The following NOC3L variants were observed in gnomAD, a reference collection of about 807,000 sequenced individuals.
NOC3L encodes nucleolar complex protein 3 homolog.
In NOC3L, 85 loss-of-function variants were observed where a neutral mutation model predicts 102.5. The ratio of observed to expected loss-of-function variants is 0.83; its 90% CI spans 0.70 to 0.99. NOC3L has a LOEUF of 0.99. Among genes scored for constraint, NOC3L ranks in the 50% least tolerant of loss-of-function variants. NOC3L has a pLI of 0.00. For synonymous variants in NOC3L, 303 were observed against 309.4 expected (o/e 0.98, Z 0.22); for missense variants, 878 against 914.9 (o/e 0.96, Z 0.52).
At chr10:94,335,619 T>G (rs954019831) in intron 19 of NOC3L, among the ~76,000 whole-genome samples, 2 of 152,224 alleles carry the variant, frequency 1.3e-5, no homozygotes, top group Non-Finnish European at 2.9e-5. Context: ...AGCAACTGAC[T>G]GACTACTGTC....
At chr10:94,340,825 C>CA (rs1384022709) in intron 14 of NOC3L, among the ~76,000 whole-genome samples, 80 of 150,874 alleles carry the variant, frequency 5.3e-4, no homozygotes, top group Non-Finnish European at 4.7e-4. Flanking sequence ...ACTAAAAATA[C>CA]AAAAAATTAA....
chr10:94,351,604 C>T (rs1379136182), intron 8 of NOC3L, among the ~76,000 whole-genome samples: 1 of 152,108 alleles, frequency 6.6e-6, no homozygotes, highest in Non-Finnish European at 1.5e-5. Flanking sequence ...CATAGCTCAC[C>T]GCAGGCTCAA....
chr10:94,338,714 A>G lies in NOC3L; in HGVS notation c.1985T>C (p.Leu662Pro), dbSNP rs1162063088. The change falls in exon 18 of 21, where the codon CTG (leucine) becomes CCG (proline). Residue 662 changes from leucine to proline, a missense_variant. Transcript: ENST00000371361. ...LMHTFPKTDLLLDSESQGSGV... is the reference protein window; with the variant it reads ...LMHTFPKTDLPLDSESQGSGV... ...ACTTCCCTGAGATTCACTGTCAAGCAGTAGATCTGTTTTGGGGAAAGTCTG... is the reference window on the plus strand; with the variant it reads ...ACTTCCCTGAGATTCACTGTCAAGCGGTAGATCTGTTTTGGGGAAAGTCTG... 3 of 1,613,040 alleles carry G rather than the reference A, an allele frequency of 1.9e-6. No homozygotes were observed. The highest frequency in any genetic ancestry group is 2.5e-6 in the Non-Finnish European group (3 of 1,179,528).
the NOC3L span, among the ~76,000 whole-genome samples, chr10:94,319,180 A>G: frequency 7.2e-5 from 11 of 152,342 alleles, no homozygotes; most frequent in African/African-American, 2.4e-4. Context: ...GATTTTTCTG[A>G]TAAGTAAAAT....
At position 94,334,124 on chromosome 10, in the gene NOC3L, T is replaced by C. The variant is rs2133980461; in HGVS notation, c.*53A>G. On this transcript the variant is annotated 3_prime_UTR_variant, in exon 21 of 21. Coordinates refer to ENST00000371361, the MANE Select transcript of NOC3L (RefSeq NM_022451.11). ...ATCCTAAGTTAACAACTCATCTTTA[T>C]GTACATCTGCACACACAAATATACA... The C allele has an allele frequency of 7.5e-6, 6 of 796,300 alleles. No homozygotes were observed. The highest frequency in any genetic ancestry group is 1.6e-5 in the South Asian group (1 of 62,256). 49.3% of individuals were successfully genotyped at this position (796,300 alleles called of 1,614,324 possible). A position where few individuals can be genotyped will look rare whatever the true frequency, so the allele number is the denominator to read the frequency against.
chr10:94,339,578 T>C (rs920814720), intron 17 of NOC3L, among the ~76,000 whole-genome samples, 161 bp downstream of exon 17: 11 of 152,198 alleles, frequency 7.2e-5, no homozygotes, highest in African/African-American at 2.4e-5. Context: ...ATAAAATGCT[T>C]TTTTTCAATT....
chr10:94,346,132 G>C (rs569378676), intron 11 of NOC3L, among the ~76,000 whole-genome samples: 58 of 152,300 alleles, frequency 3.8e-4, no homozygotes, highest in African/African-American at 1.2e-3. Flanking sequence ...TTTCTGTTAA[G>C]GAAGGAATCT....
chr10:94,316,128 C>T, the NOC3L span, among the ~76,000 whole-genome samples: 1 of 152,120 alleles, frequency 6.6e-6, no homozygotes, highest in South Asian at 2.1e-4. Flanking sequence ...GAGAACCTAG[C>T]CCTACAAACC....
In NOC3L at chr10:94,337,807, G is replaced by C; in HGVS notation, c.2159C>G (p.Ser720Cys). The change falls in exon 19 of 21, where the codon TCT becomes TGT. Residue 720 changes from serine (S) to cysteine (C), a missense_variant. By Grantham distance (112) the Ser-to-Cys change is moderately radical (BLOSUM62 -1). Coordinates refer to ENST00000371361, the MANE Select transcript of NOC3L (RefSeq NM_022451.11). ...ACTCAACTCTGGTTTGAGTGCTCCA[G>C]AGCCTTCAGAAGGTGCTCCAGCGAT... The part of the protein sequence containing the change: ...HLIAGAPSEG[S>C]GALKPELSRR... The C allele has an allele frequency of 6.2e-7, 1 of 1,613,964 alleles. No homozygotes were observed. Among genetic ancestry groups the C allele is most frequent in the Non-Finnish European group, 8.5e-7 (1 of 1,179,894 alleles).
At chr10:94,324,682 G>C in the NOC3L span, 1 of 1,028,130 alleles carries the variant, frequency 9.7e-7, no homozygotes, top group Admixed American at 1.9e-5. Flanking sequence ...TCAAGGAATG[G>C]AGTTAGGAGA....
At chr10:94,315,373 T>C in the NOC3L span, 1 of 455,962 alleles carries the variant, frequency 2.2e-6, no homozygotes, top group Non-Finnish European at 4.4e-6. Flanking sequence ...CTTTCTCTCA[T>C]CACCAAGCTA....
At chr10:94,341,245 A>G (rs930170880) in intron 14 of NOC3L, among the ~76,000 whole-genome samples, 2 of 151,818 alleles carry the variant, frequency 1.3e-5, no homozygotes, top group African/African-American at 4.8e-5. Context: ...CAGGGTGACT[A>G]TAGTTTACAA....
Position 94,350,155 on chromosome 10 carries a change from G to A in NOC3L, c.1086C>T (p.Ile362=), listed in dbSNP as rs569465998. Residue 362 remains isoleucine, a synonymous_variant, in exon 9 of 21, where the codon ATC becomes ATT. Transcript: ENST00000371361. ...ALPHFNFHNN[I]IVLIVPLMND... ...TCATGAGAGGGACAATCAATACGAT[G>A]ATGTTGTTGTGAAAGTTAAAATGAG... 1.2e-6 allele frequency: 2 copies of A among 1,614,122 alleles called. No homozygotes were observed. Among genetic ancestry groups the A allele is most frequent in the Admixed American group, 3.3e-5 (2 of 60,008 alleles).
At chr10:94,336,608 A>T (rs1198033110) in intron 19 of NOC3L, among the ~76,000 whole-genome samples, 1 of 151,444 alleles carries the variant, frequency 6.6e-6, no homozygotes, top group Non-Finnish European at 1.5e-5. Context: ...TCGGCCTCCC[A>T]AAGTGCTGGG....
chr10:94,325,055 G>C, the NOC3L span: 2 of 1,614,156 alleles, frequency 1.2e-6, no homozygotes, highest in African/African-American at 1.3e-5. Context: ...TTGTCCTCCA[G>C]TGACACAATG....
At position 94,356,744 on chromosome 10, in the gene NOC3L, A is replaced by C. The variant is rs999484052; in HGVS notation, c.509-153T>G. On this transcript the variant is annotated intron_variant, in intron 4 of 20. Coordinates refer to ENST00000371361, the MANE Select transcript of NOC3L (RefSeq NM_022451.11). ...GTGATTGAGGTGAGCACAAGGGAGGATTCTGGAAGCTAGCAGTAGTTTTTT... is the reference window on the plus strand; with the variant it reads ...GTGATTGAGGTGAGCACAAGGGAGGCTTCTGGAAGCTAGCAGTAGTTTTTT... Among the ~76,000 whole-genome samples, 7 of 152,158 alleles carry C rather than the reference A, an allele frequency of 4.6e-5. No homozygotes were observed. The East Asian group carries it at 1.2e-3, about 25-fold the overall frequency.
chr10:94,347,045 A>T (rs1236015471), intron 10 of NOC3L, among the ~76,000 whole-genome samples: 1 of 152,150 alleles, frequency 6.6e-6, no homozygotes, highest in Non-Finnish European at 1.5e-5. Context: ...AAAATTCAGA[A>T]ACTAATTTGG....
chr10:94,355,052 GTTC>G lies in NOC3L; in HGVS notation c.604_606del (p.Glu202del). On this transcript the variant is annotated inframe_deletion, in exon 6 of 21. Transcript: ENST00000371361. ...AATTTCTTCTTTCTCTCAATCAAAT[GTTC>G]TTCTATGGTCAGCTCTTGAATAGGA... 6.2e-7 allele frequency: 1 copy of G among 1,612,450 alleles called. No homozygotes were observed. Among genetic ancestry groups the G allele is most frequent in the Non-Finnish European group, 8.5e-7 (1 of 1,179,130 alleles).
intron 4 of NOC3L, among the ~76,000 whole-genome samples, 191 bp downstream of exon 4, chr10:94,356,983 C>T (rs958311550): frequency 2.0e-5 from 3 of 152,078 alleles, no homozygotes; most frequent in African/African-American, 7.2e-5. Flanking sequence ...CTTCAGTTGT[C>T]CTCACAGTAC....
Sources: gnomAD v4.1 joint callset for allele counts (sites outside exome capture counted in the v4.1 genomes callset) on GRCh38, gnomAD v4.1.1 for gene constraint, MANE v1.5 for transcripts, NCBI Gene and HGNC (gene_info 2026-07-23, HGNC 2026-07-21) for gene names.